Variants in VSX2 observed in about 807,000 individuals in gnomAD.
VSX2 encodes the protein visual system homeobox 2.
VSX2 carries 28 observed loss-of-function variants against 32.1 expected under a neutral mutation model. That is an observed-to-expected ratio of 0.87 (90% CI 0.65 to 1.20). The LOEUF (loss-of-function observed/expected upper bound fraction) is 1.20, where lower values mean the gene tolerates loss of function less well. VSX2 is among the 50% of genes most tolerant of loss of function. The pLI is 0.00. For synonymous variants in VSX2, 243 were observed against 214.1 expected, an observed-to-expected ratio of 1.14 and a Z score of -1.18; for missense variants, 506 against 488.7, an observed-to-expected ratio of 1.04 and a Z score of -0.33.
At position 74,244,881 on chromosome 14, in the gene VSX2, AGTGTGTGTGTGTGT is replaced by A. The variant is rs57885912; in HGVS notation, c.456-248_456-235del. Among the ~76,000 whole-genome samples the A allele has an allele frequency of 1.0e-3, 52 of 51,302 alleles. 1 individual carries two copies. Among genetic ancestry groups the A allele is most frequent in the South Asian group, 4.8e-3 (7 of 1,446 alleles). The allele number at this position is 51,302 out of a possible 152,430, so 33.7% of individuals were successfully genotyped here. Reference sequence around the variant, plus strand: ...AACTATGAGACAGAGAGAGAGAGAAAGTGTGTGTGTGTGTGTGTGTGTGTGTGTGTGTGTGTGTG... The same window carrying A: ...AACTATGAGACAGAGAGAGAGAGAAAGTGTGTGTGTGTGTGTGTGTGTGTG... On this transcript the variant is annotated intron_variant, in intron 2 of 4. Coordinates refer to ENST00000261980, the MANE Select transcript of VSX2 (RefSeq NM_182894.3).
At chr14:74,257,601 C>G (rs2079273146) in intron 3 of VSX2, among the ~76,000 whole-genome samples, 2 of 148,946 alleles carry the variant, frequency 1.3e-5, no homozygotes, top group East Asian at 2.0e-4. Context: ...CGGGCCGGAG[C>G]GCCCCTGCCG....
chr14:74,239,620 G>A lies in VSX2; in HGVS notation c.59G>A (p.Ser20Asn). 1 of 1,551,268 alleles carries A rather than the reference G, an allele frequency of 6.4e-7. No individual in the cohort carries two copies. Among genetic ancestry groups the A allele is most frequent in the Non-Finnish European group, 8.7e-7 (1 of 1,146,972 alleles). ...CCCAAATCCGAGACAGTGGCCAAGAGTACCTCGGGGGGCGCCCCGGCCAGG... is the reference window on the plus strand; with the variant it reads ...CCCAAATCCGAGACAGTGGCCAAGAATACCTCGGGGGGCGCCCCGGCCAGG... Reference protein sequence around the residue: ...SKPKSETVAKSTSGGAPARCT... With the variant: ...SKPKSETVAKNTSGGAPARCT... The change falls in exon 1 of 5, where the codon AGT becomes AAT. Residue 20 changes from serine (S) to asparagine (N), a missense_variant. Ser to Asn is a conservative substitution (Grantham distance 46, BLOSUM62 1). Transcript: ENST00000261980.
chr14:74,260,978 G>A lies in VSX2; in HGVS notation c.*59G>A. On this transcript the variant is annotated 3_prime_UTR_variant, in exon 5 of 5. Transcript: ENST00000261980. ...CTCTGCTCTCCTCGGGCCCTGTGGT[G>A]CTGGGAGATGCTCTCTGAGGCAAGG... 1.3e-6 allele frequency: 2 copies of A among 1,534,462 alleles called. No homozygotes were observed. The highest frequency in any genetic ancestry group is 8.8e-7 in the Non-Finnish European group (1 of 1,135,372).
In VSX2 at chr14:74,262,446, G is replaced by A. The variant is rs1484659143; in HGVS notation, c.*1527G>A. On this transcript the variant is annotated 3_prime_UTR_variant, in exon 5 of 5. Transcript: ENST00000261980. ...GGAATACCTCGTTAGAGAATGGCCTGAGACAGTGCGTTGCAACTTTTTAAT... is the reference window on the plus strand; with the variant it reads ...GGAATACCTCGTTAGAGAATGGCCTAAGACAGTGCGTTGCAACTTTTTAAT... 6.6e-6 allele frequency: 1 copy of A among 150,612 alleles called. No homozygotes were observed. Among genetic ancestry groups the A allele is most frequent in the Non-Finnish European group, 1.5e-5 (1 of 68,044 alleles). The allele number at this position is 150,612 out of a possible 1,614,324, so 9.3% of individuals were successfully genotyped here. A position where few individuals can be genotyped will look rare whatever the true frequency, so the allele number is the denominator to read the frequency against.
At chr14:74,245,332 G>C (rs774267021) in intron 3 of VSX2, 44 bp downstream of exon 3, 1 of 1,610,534 alleles carries the variant, frequency 6.2e-7, no homozygotes, top group South Asian at 1.1e-5. Flanking sequence ...CCCCTCTCTC[G>C]GTGACATCTA....
chr14:74,257,711 C>CT (rs1341343407), intron 3 of VSX2, among the ~76,000 whole-genome samples: 4 of 149,366 alleles, frequency 2.7e-5, no homozygotes, highest in South Asian at 2.1e-4. Context: ...CGCGGACCAC[C>CT]CCCCACCCAC....
At chr14:74,243,675 C>G (rs28396718) in intron 2 of VSX2, among the ~76,000 whole-genome samples, 5 of 151,880 alleles carry the variant, frequency 3.3e-5, no homozygotes, top group African/African-American at 1.2e-4. Flanking sequence ...GAATTAACTT[C>G]GTGTGTGCAT....
intron 3 of VSX2, among the ~76,000 whole-genome samples, chr14:74,253,305 G>A (rs1429141092): frequency 1.3e-5 from 2 of 152,152 alleles, no homozygotes; most frequent in Non-Finnish European, 2.9e-5. Context: ...GAAAGTGAGC[G>A]GTCAGGAAAG....
At position 74,239,872 on chromosome 14, in the gene VSX2, A is replaced by G. The variant is rs2079137676; in HGVS notation, c.311A>G (p.His104Arg). 2 of 1,576,236 alleles carry G rather than the reference A, an allele frequency of 1.3e-6. No homozygotes were observed. Among genetic ancestry groups the G allele is most frequent in the Non-Finnish European group, 1.7e-6 (2 of 1,162,184 alleles). Reference sequence around the variant, plus strand: ...GTGCTGTCCGACCCGCAGAGCGTCCACTTGCAGCCATTGGGCAGAGCATCG... The same window carrying G: ...GTGCTGTCCGACCCGCAGAGCGTCCGCTTGCAGCCATTGGGCAGAGCATCG... ...LEVLSDPQSV[H>R]LQPLGRASGP... Residue 104 changes from histidine to arginine, a missense_variant, in exon 1 of 5, where the codon CAC (histidine) becomes CGC (arginine). Coordinates refer to ENST00000261980, the MANE Select transcript of VSX2 (RefSeq NM_182894.3).
chr14:74,245,784 C>G (rs1165887380), intron 3 of VSX2, among the ~76,000 whole-genome samples: 1 of 152,136 alleles, frequency 6.6e-6, no homozygotes, highest in African/African-American at 2.4e-5. Flanking sequence ...TCCTGCTTCC[C>G]ACCACTCCAT....
At chr14:74,260,326 GC>G (rs2079296425) in intron 4 of VSX2, among the ~76,000 whole-genome samples, 1 of 152,192 alleles carries the variant, frequency 6.6e-6, no homozygotes, top group Admixed American at 6.5e-5. Flanking sequence ...GGACAGGGGA[GC>G]ATGTGCTGTG....
intron 4 of VSX2, among the ~76,000 whole-genome samples, chr14:74,260,267 C>T (rs915291019): frequency 6.6e-6 from 1 of 152,210 alleles, no homozygotes; most frequent in Non-Finnish European, 1.5e-5. Flanking sequence ...TATCTGAGAA[C>T]AGCACCAGCT....
At chr14:74,240,984 C>T (rs1469120043) in intron 1 of VSX2, among the ~76,000 whole-genome samples, 198 bp from the exon 2 acceptor site, 1 of 152,196 alleles carries the variant, frequency 6.6e-6, no homozygotes, top group Non-Finnish European at 1.5e-5. Context: ...TCAAAACCTC[C>T]GGATTCGGGC....
At position 74,239,466 on chromosome 14, in the gene VSX2, G is replaced by C; in HGVS notation, c.-96G>C. 2 of 1,517,630 alleles carry C rather than the reference G, an allele frequency of 1.3e-6. No homozygotes were observed. The highest frequency in any genetic ancestry group is 1.8e-6 in the Non-Finnish European group (2 of 1,119,972). The allele number at this position is 1,517,630 out of a possible 1,614,324, so 94.0% of individuals were successfully genotyped here. On this transcript the variant is annotated 5_prime_UTR_variant, in exon 1 of 5. Transcript: ENST00000261980. ...GGCTCCAGAGCATTAGACACCGGAG[G>C]GGGCACCTGGGACCAACTTCGCGAA...
At chr14:74,251,387 T>C (rs933681151) in intron 3 of VSX2, among the ~76,000 whole-genome samples, 1 of 151,864 alleles carries the variant, frequency 6.6e-6, no homozygotes, top group Non-Finnish European at 1.5e-5. Context: ...GAGGCGGAGG[T>C]TGCAGTGAGC....
intron 3 of VSX2, among the ~76,000 whole-genome samples, chr14:74,251,189 C>T (rs142622827): frequency 0.012 from 1,819 of 152,006 alleles, 23 homozygotes; most frequent in Middle Eastern, 0.037. Context: ...GTGGCTCACA[C>T]CTGTAATCCC....
At chr14:74,241,693 G>T (rs2079151454) in intron 2 of VSX2, among the ~76,000 whole-genome samples, 1 of 152,196 alleles carries the variant, frequency 6.6e-6, no homozygotes, top group African/African-American at 2.4e-5. Flanking sequence ...CTCTCCCGGG[G>T]TCCCTGTCCT....
chr14:74,254,445 G>C (rs911845536), intron 3 of VSX2, among the ~76,000 whole-genome samples: 1 of 152,150 alleles, frequency 6.6e-6, no homozygotes, highest in Non-Finnish European at 1.5e-5. Flanking sequence ...AAAAAGAAAA[G>C]AAATGTGGGG....
chr14:74,255,690 T>C (rs902877665), intron 3 of VSX2, among the ~76,000 whole-genome samples: 1 of 152,188 alleles, frequency 6.6e-6, no homozygotes, highest in Non-Finnish European at 1.5e-5. Flanking sequence ...ATCTCAAGCA[T>C]GGGTATTCAT....
Sources: allele counts gnomAD v4.1 joint callset (sites outside exome capture counted in the v4.1 genomes callset), GRCh38; gene constraint gnomAD v4.1.1; transcripts MANE v1.5; gene names NCBI Gene and HGNC (gene_info 2026-07-23, HGNC 2026-07-21).